The following ALOX5 variants were observed in gnomAD, a reference collection of about 807,000 sequenced individuals.
The protein encoded by ALOX5 is polyunsaturated fatty acid 5-lipoxygenase.
Under a neutral mutation model 87.9 loss-of-function variants are expected in ALOX5, and 64 were observed. The ratio of observed to expected loss-of-function variants is 0.73; its 90% CI spans 0.60 to 0.90. The LOEUF is 0.90. Ranked by LOEUF, ALOX5 falls within the 40% of genes least tolerant of loss-of-function variation. The pLI, the probability that ALOX5 is intolerant of heterozygous loss-of-function variation, is 0.00. For missense variants in ALOX5, 822 were observed against 907.5 expected, an observed-to-expected ratio of 0.91 and a Z score of 1.21; for synonymous variants, 388 against 355.1, an observed-to-expected ratio of 1.09 and a Z score of -1.04.
At chr10:45,393,709 T>C (rs1449334025) in intron 2 of ALOX5, among the ~76,000 whole-genome samples, 2 of 152,182 alleles carry the variant, frequency 1.3e-5, no homozygotes, top group African/African-American at 4.8e-5. Context: ...AAAACCCCAT[T>C]GTCTCAGCCC....
intron 4 of ALOX5, 144 bp downstream of exon 4, chr10:45,412,457 T>G: frequency 6.4e-5 from 69 of 1,084,410 alleles, no homozygotes; most frequent in Non-Finnish European, 8.2e-5. Flanking sequence ...ATGTTGGCCA[T>G]AGAGTGGATT....
chr10:45,399,441 C>A (rs995926174), intron 3 of ALOX5, among the ~76,000 whole-genome samples: 2 of 152,130 alleles, frequency 1.3e-5, no homozygotes, highest in African/African-American at 2.4e-5. Context: ...ATAAATTTTA[C>A]AGTATGTGCA....
intron 2 of ALOX5, among the ~76,000 whole-genome samples, chr10:45,393,792 G>A (rs1404391038): frequency 6.6e-6 from 1 of 152,176 alleles, no homozygotes; most frequent in Non-Finnish European, 1.5e-5. Flanking sequence ...AGAATCACAA[G>A]CATTCTTATA....
intron 1 of ALOX5, among the ~76,000 whole-genome samples, chr10:45,377,540 T>C (rs2132665183): frequency 6.6e-6 from 1 of 152,158 alleles, no homozygotes; most frequent in African/African-American, 2.4e-5. Flanking sequence ...TCTCTGCCCC[T>C]TGGTCTCCCT....
intron 2 of ALOX5, among the ~76,000 whole-genome samples, chr10:45,386,371 T>C (rs1840008274): frequency 6.6e-6 from 1 of 151,218 alleles, no homozygotes; most frequent in African/African-American, 2.4e-5. Flanking sequence ...GAGGCTGAGG[T>C]TGGGGAATCA....
intron 10 of ALOX5, 99 bp from the exon 11 acceptor site, chr10:45,443,317 C>CGG: frequency 6.3e-7 from 1 of 1,579,560 alleles, no homozygotes; most frequent in Non-Finnish European, 8.6e-7. Flanking sequence ...TGAATGGGGA[C>CGG]GGGGTGGGGG....
chr10:45,382,760 A>C, intron 2 of ALOX5, 79 bp downstream of exon 2: 1 of 1,501,352 alleles, frequency 6.7e-7, no homozygotes, highest in Non-Finnish European at 9.0e-7. Context: ...CTGTAGTCAT[A>C]GGAGGAATGA....
At chr10:45,377,058 C>T (rs923004630) in intron 1 of ALOX5, among the ~76,000 whole-genome samples, 1 of 152,098 alleles carries the variant, frequency 6.6e-6, no homozygotes, top group African/African-American at 2.4e-5. Flanking sequence ...TTAGTTGGCC[C>T]ATTTCATTCT....
chr10:45,428,530 G>T, intron 6 of ALOX5, 88 bp from the exon 7 acceptor site: 2 of 1,510,668 alleles, frequency 1.3e-6, no homozygotes, highest in Non-Finnish European at 1.8e-6. Context: ...AGGGAGAGGG[G>T]TGCCCAGAGG....
chr10:45,381,053 G>A (rs1407774258), intron 1 of ALOX5, among the ~76,000 whole-genome samples: 1 of 152,242 alleles, frequency 6.6e-6, no homozygotes, highest in East Asian at 1.9e-4. Flanking sequence ...CTTCCTGTCT[G>A]CCATCCATTG....
intron 2 of ALOX5, among the ~76,000 whole-genome samples, chr10:45,390,344 A>G (rs1036074211): frequency 6.6e-6 from 1 of 152,228 alleles, no homozygotes; most frequent in Admixed American, 6.5e-5. Context: ...AGCGGAGCTA[A>G]TAGACATCTA....
chr10:45,396,262 A>G (rs1840499514), intron 3 of ALOX5, among the ~76,000 whole-genome samples: 1 of 152,232 alleles, frequency 6.6e-6, no homozygotes, highest in Admixed American at 6.5e-5. Flanking sequence ...TAACAATTCA[A>G]TTATAAAAGT....
intron 1 of ALOX5, among the ~76,000 whole-genome samples, chr10:45,381,890 T>C (rs1325829940): frequency 6.6e-6 from 1 of 152,252 alleles, no homozygotes; most frequent in Non-Finnish European, 1.5e-5. Flanking sequence ...AAGGTGTTCA[T>C]GAAGAATCTT....
chr10:45,379,413 C>T (rs1839751011), intron 1 of ALOX5, among the ~76,000 whole-genome samples: 1 of 152,232 alleles, frequency 6.6e-6, no homozygotes, highest in African/African-American at 2.4e-5. Flanking sequence ...GCCTGCCCCA[C>T]CAGCATTCAG....
At position 45,395,899 on chromosome 10, in the gene ALOX5, C is replaced by T. The variant is rs778803665; in HGVS notation, c.394C>T (p.Arg132Ter). The T allele has an allele frequency of 1.5e-5, 25 of 1,614,050 alleles. No homozygotes were observed. Among genetic ancestry groups the T allele is most frequent in the East Asian group, 6.7e-5 (3 of 44,900 alleles). Residue 132 changes from arginine (R) to a stop codon, truncating the protein, a stop_gained, in exon 3 of 14, where the codon CGA (arginine) becomes TGA (stop). Transcript: ENST00000374391. LOFTEE classifies it high-confidence loss of function. The stretch of plus-strand genomic sequence containing the variant: ...CCAAATTCACATTCTCAAGCAACAC[C>T]GACGTAAAGAACTGGAAACACGGCA... The part of the protein sequence containing the change: ...DDQIHILKQH[R>*]RKELETRQKQ...
chr10:45,399,271 T>G (rs1840616742), intron 3 of ALOX5, among the ~76,000 whole-genome samples: 1 of 152,188 alleles, frequency 6.6e-6, no homozygotes, highest in Non-Finnish European at 1.5e-5. Flanking sequence ...TAAAGTAGAT[T>G]ACTGGTTGCC....
At chr10:45,443,237 G>T (rs775481349) in intron 10 of ALOX5, 21 bp downstream of exon 10, 1 of 1,607,208 alleles carries the variant, frequency 6.2e-7, no homozygotes, top group African/African-American at 1.3e-5. Context: ...GCGGGGCGGT[G>T]GTCCTGGGGG....
At chr10:45,418,632 G>A (rs1841387691) in intron 4 of ALOX5, among the ~76,000 whole-genome samples, 1 of 152,190 alleles carries the variant, frequency 6.6e-6, no homozygotes, top group African/African-American at 2.4e-5. Flanking sequence ...CATCTGACCA[G>A]GTCTTACTGG....
intron 2 of ALOX5, among the ~76,000 whole-genome samples, chr10:45,392,777 A>C (rs1417877710): frequency 6.6e-6 from 1 of 152,362 alleles, no homozygotes; most frequent in Middle Eastern, 3.4e-3. Context: ...GGACATCACC[A>C]CGGATTCCAC....
Sources: allele counts gnomAD v4.1 joint callset (sites outside exome capture counted in the v4.1 genomes callset), GRCh38; gene constraint gnomAD v4.1.1; transcripts MANE v1.5; gene names NCBI Gene and HGNC (gene_info 2026-07-23, HGNC 2026-07-21).